Variants in FILIP1L observed in about 807,000 individuals in gnomAD.
FILIP1L encodes filamin A-interacting protein 1-like.
A neutral mutation model predicts 96.6 loss-of-function variants in FILIP1L; 55 were observed. That is an observed-to-expected ratio of 0.57 (90% CI 0.46 to 0.71). The LOEUF is 0.71. Among genes scored for constraint, FILIP1L ranks in the 30% least tolerant of loss-of-function variants. The pLI, the probability that FILIP1L is intolerant of heterozygous loss-of-function variation, is 0.00. For synonymous variants in FILIP1L, 467 were observed against 473.9 expected (o/e 0.99, Z 0.19); for missense variants, 1,304 against 1,321.2 (o/e 0.99, Z 0.20).
At chr3:99,906,574 C>G (rs1706625672) in intron 4 of FILIP1L, among the ~76,000 whole-genome samples, 1 of 152,100 alleles carries the variant, frequency 6.6e-6, no homozygotes, top group African/African-American at 2.4e-5. Flanking sequence ...ACTTTATGTT[C>G]TTTTCAAGAA....
intron 1 of FILIP1L, among the ~76,000 whole-genome samples, chr3:100,080,464 A>G (rs888863187): frequency 2.0e-5 from 3 of 152,154 alleles, no homozygotes; most frequent in Admixed American, 1.3e-4. Context: ...ACCCTAGACA[A>G]TTTCAATTTT....
intron 4 of FILIP1L, among the ~76,000 whole-genome samples, chr3:99,891,375 T>A (rs996713827): frequency 7.2e-5 from 11 of 152,196 alleles, no homozygotes; most frequent in African/African-American, 2.7e-4. Flanking sequence ...AACTAAAATT[T>A]AAGTTTATGG....
At chr3:99,861,731 T>C (rs948752279) in intron 4 of FILIP1L, among the ~76,000 whole-genome samples, 1 of 152,098 alleles carries the variant, frequency 6.6e-6, no homozygotes, top group African/African-American at 2.4e-5. Context: ...GCATGTACAC[T>C]CTCTAGTACC....
chr3:100,033,399 C>T (rs1357342301), intron 1 of FILIP1L, among the ~76,000 whole-genome samples: 1 of 152,202 alleles, frequency 6.6e-6, no homozygotes, highest in Non-Finnish European at 1.5e-5. Flanking sequence ...TCCATCAAAC[C>T]CTCATTCCCA....
At chr3:100,077,002 C>T (rs544366976) in intron 1 of FILIP1L, among the ~76,000 whole-genome samples, 1 of 152,352 alleles carries the variant, frequency 6.6e-6, no homozygotes, top group East Asian at 1.9e-4. Context: ...TCAAAACTCT[C>T]ATTTAATTAG....
At chr3:99,984,090 G>A (rs144237234) in intron 1 of FILIP1L, among the ~76,000 whole-genome samples, 352 of 152,090 alleles carry the variant, frequency 2.3e-3, no homozygotes, top group Middle Eastern at 0.01. Flanking sequence ...AGCTACAAAG[G>A]TAAAAGAATA....
intron 4 of FILIP1L, among the ~76,000 whole-genome samples, chr3:99,877,046 C>T (rs1191286390): frequency 6.6e-6 from 1 of 152,146 alleles, no homozygotes; most frequent in East Asian, 1.9e-4. Flanking sequence ...AGAATATTAT[C>T]CTCTAGTATG....
intron 1 of FILIP1L, among the ~76,000 whole-genome samples, chr3:100,033,600 C>G (rs2065057038): frequency 6.6e-6 from 1 of 152,296 alleles, no homozygotes; most frequent in East Asian, 1.9e-4. Flanking sequence ...AATTCTTACC[C>G]TGGAAAGTAG....
chr3:99,830,908 A>G (rs1274676753), intron 5 of FILIP1L, among the ~76,000 whole-genome samples: 1 of 152,258 alleles, frequency 6.6e-6, no homozygotes, highest in Non-Finnish European at 1.5e-5. Flanking sequence ...ATTAATCTCA[A>G]AGAGCCATGA....
intron 1 of FILIP1L, among the ~76,000 whole-genome samples, chr3:100,052,235 A>AATAC (rs1205532043): frequency 1.3e-5 from 2 of 152,218 alleles, no homozygotes; most frequent in Non-Finnish European, 2.9e-5. Flanking sequence ...GGGCTATACT[A>AATAC]ATACACTCCA....
At chr3:99,854,693 G>A (rs1943870823) in intron 4 of FILIP1L, among the ~76,000 whole-genome samples, 1 of 150,740 alleles carries the variant, frequency 6.6e-6, no homozygotes, top group South Asian at 2.1e-4. Context: ...CTGGGGGGCA[G>A]TCACCTCCAG....
chr3:99,843,732 T>C (rs115670166), intron 5 of FILIP1L, among the ~76,000 whole-genome samples: 1,760 of 152,248 alleles, frequency 0.012, 19 homozygotes, highest in African/African-American at 0.026. Flanking sequence ...AGCAGGGGCC[T>C]CTAAACCCTG....
intron 4 of FILIP1L, among the ~76,000 whole-genome samples, chr3:99,853,167 A>G (rs1190615015): frequency 1.3e-5 from 2 of 152,220 alleles, no homozygotes; most frequent in African/African-American, 4.8e-5. Context: ...GGCAGAGTCC[A>G]TGGGTAAACT....
At chr3:99,909,987 TA>T in intron 4 of FILIP1L, among the ~76,000 whole-genome samples, 2 of 138,492 alleles carry the variant, frequency 1.4e-5, no homozygotes, top group Non-Finnish European at 1.7e-5. Flanking sequence ...GCAAAATGTG[TA>T]TTCAGAGCTG....
chr3:99,848,675 G>A lies in FILIP1L; in HGVS notation c.3001C>T (p.Pro1001Ser). 6.2e-7 allele frequency: 1 copy of A among 1,614,094 alleles called. No homozygotes were observed. The highest frequency in any genetic ancestry group is 8.5e-7 in the Non-Finnish European group (1 of 1,180,016). The change falls in exon 5 of 6, where the codon CCT (proline) becomes TCT (serine). Residue 1001 changes from proline (P) to serine (S), a missense_variant. Coordinates refer to ENST00000477258, the MANE Select transcript of FILIP1L (RefSeq NM_001387850.1). ...GSLTPERTMS[P>S]IQVLAVTGSA... Reference sequence around the variant, plus strand: ...CCAGTCACAGCCAAAACCTGAATAGGGGACATTGTCCTTTCTGGAGTTAGA... The same window carrying A: ...CCAGTCACAGCCAAAACCTGAATAGAGGACATTGTCCTTTCTGGAGTTAGA...
chr3:99,996,988 A>G (rs1044237959), intron 1 of FILIP1L, among the ~76,000 whole-genome samples: 3 of 152,254 alleles, frequency 2.0e-5, no homozygotes, highest in Non-Finnish European at 4.4e-5. Flanking sequence ...CCTATGGTAT[A>G]CAGCACAAGC....
chr3:100,010,117 T>G, intron 1 of FILIP1L: 4 of 950,508 alleles, frequency 4.2e-6, no homozygotes, highest in Non-Finnish European at 5.0e-6. Context: ...TCTTTCTGTC[T>G]CTCTTATTTT....
At chr3:100,049,869 GGCTTCTGGTCAACAGTAA>G (rs2065340522) in intron 1 of FILIP1L, among the ~76,000 whole-genome samples, 1 of 151,980 alleles carries the variant, frequency 6.6e-6, no homozygotes, top group African/African-American at 2.4e-5. Flanking sequence ...TTATCAATAA[GGCTTCTGGTCAACAGTAA>G]GCTACTAGTA....
intron 1 of FILIP1L, chr3:100,023,552 T>C (rs561079039): frequency 2.6e-5 from 4 of 152,734 alleles, no homozygotes; most frequent in Admixed American, 2.0e-4. Flanking sequence ...AACAGTTTCT[T>C]GGGGGGAGAG....
Sources: gnomAD v4.1 joint callset for allele counts (sites outside exome capture counted in the v4.1 genomes callset) on GRCh38, gnomAD v4.1.1 for gene constraint, MANE v1.5 for transcripts, NCBI Gene and HGNC (gene_info 2026-07-23, HGNC 2026-07-21) for gene names.